PVT1: variants seen among roughly 807,000 people sequenced by gnomAD.
The protein encoded by PVT1 is Pvt1 oncogene, also known as CXCR4/PVT1 fusion.
chr8:128,028,687 G>A (rs1284480677), intron 4 of PVT1, among the ~76,000 whole-genome samples: 2 of 152,230 alleles, frequency 1.3e-5, no homozygotes, highest in African/African-American at 4.8e-5. Flanking sequence ...GATGAATACT[G>A]TAGGTTAGCA....
rs139029855 is a variant in PVT1, at chr8:127,897,870, GGAAAGAAAGAAAGAAA to G, written n.782+6889_782+6904del. On this transcript the variant is annotated intron_variant and non_coding_transcript_variant, in intron 3 of 10. Coordinates refer to ENST00000651587, the Ensembl canonical transcript of PVT1. The stretch of plus-strand genomic sequence containing the variant: ...GAAAAGAAAGACAGGAAGGAAGAAA[GGAAAGAAAGAAAGAAA>G]GAAAGAAAGAAAGAAAAAAAGACAG... Among the ~76,000 whole-genome samples, 159 of 132,196 alleles carry G rather than the reference GGAAAGAAAGAAAGAAA, an allele frequency of 1.2e-3. 1 individual carries two copies. The South Asian group carries it at 0.035, about 29-fold the overall frequency. 86.7% of individuals were successfully genotyped at this position (132,196 alleles called of 152,430 possible). A position where few individuals can be genotyped will look rare whatever the true frequency, so the allele number is the denominator to read the frequency against.
At chr8:128,079,646 C>T (rs2130149411) in intron 5 of PVT1, among the ~76,000 whole-genome samples, 1 of 152,284 alleles carries the variant, frequency 6.6e-6, no homozygotes, top group East Asian at 1.9e-4. Context: ...CACACTAACC[C>T]CTGGCAACCC....
chr8:127,810,853 A>T (rs1017900412), intron 2 of PVT1, among the ~76,000 whole-genome samples: 1 of 152,126 alleles, frequency 6.6e-6, no homozygotes, highest in African/African-American at 2.4e-5. Context: ...TCCAGGAAGC[A>T]TTCCCTCATC....
At chr8:128,011,180 A>G (rs969763218) in intron 4 of PVT1, among the ~76,000 whole-genome samples, 3 of 152,228 alleles carry the variant, frequency 2.0e-5, no homozygotes, top group Admixed American at 1.3e-4. Context: ...TTTCCTCAGC[A>G]TATACGAGTC....
intron 2 of PVT1, among the ~76,000 whole-genome samples, chr8:127,860,397 G>A (rs1031742479): frequency 2.6e-5 from 4 of 152,144 alleles, no homozygotes; most frequent in Non-Finnish European, 5.9e-5. Context: ...ACTTTTTCTC[G>A]GAGCTTCGGA....
At position 127,926,609 on chromosome 8, in the gene PVT1, G is replaced by T. The variant is rs117550778; in HGVS notation, n.782+35611G>T. On this transcript the variant is annotated intron_variant and non_coding_transcript_variant, in intron 3 of 10. Coordinates refer to ENST00000651587, the Ensembl canonical transcript of PVT1. The stretch of plus-strand genomic sequence containing the variant: ...GGATGGCCTGAGTTGGTCCCCAGCC[G>T]AGACCACCTCCTTCCCTTGCCTGGC... Among the ~76,000 whole-genome samples, 909 of 152,276 alleles carry T rather than the reference G, an allele frequency of 6.0e-3. 6 individuals are homozygous for T. Among genetic ancestry groups the T allele is most frequent in the Non-Finnish European group, 8.8e-3 (599 of 68,018 alleles).
At chr8:128,018,389 C>T (rs576371642) in intron 4 of PVT1, among the ~76,000 whole-genome samples, 16 of 152,324 alleles carry the variant, frequency 1.1e-4, no homozygotes, top group African/African-American at 3.8e-4. Context: ...CCTCTGTCAC[C>T]TCTGTTAGGC....
At chr8:127,796,251 G>GT (rs149513545) in intron 2 of PVT1, among the ~76,000 whole-genome samples, 2,397 of 151,804 alleles carry the variant, frequency 0.016, 49 homozygotes, top group East Asian at 0.1. Flanking sequence ...GTTTTGTTTT[G>GT]TTTTTTTTCT....
intron 2 of PVT1, among the ~76,000 whole-genome samples, chr8:127,836,311 AT>A (rs1814908203): frequency 1.3e-5 from 2 of 152,244 alleles, no homozygotes; most frequent in Non-Finnish European, 2.9e-5. Flanking sequence ...TTTAATTTTT[AT>A]TTTACATTCC....
intron 3 of PVT1, among the ~76,000 whole-genome samples, chr8:127,912,584 A>G (rs142175029): frequency 2.7e-3 from 410 of 152,296 alleles, no homozygotes; most frequent in African/African-American, 9.2e-3. Context: ...GATTATCCCT[A>G]TTGTGATAGA....
intron 4 of PVT1, among the ~76,000 whole-genome samples, chr8:128,042,783 A>ATTTTATTTT (rs1563673658): frequency 1.8e-4 from 27 of 151,332 alleles, no homozygotes; most frequent in East Asian, 5.8e-4. Context: ...ATTTTATTTT[A>ATTTTATTTT]AGAGAGATCT....
chr8:128,089,821 T>C (rs902927254), intron 5 of PVT1, among the ~76,000 whole-genome samples: 8 of 152,220 alleles, frequency 5.3e-5, no homozygotes, highest in African/African-American at 1.9e-4. Context: ...GGATCCTATC[T>C]ATAAGCCTAT....
chr8:127,899,902 T>C (rs748592760), intron 3 of PVT1, among the ~76,000 whole-genome samples: 6 of 152,062 alleles, frequency 3.9e-5, no homozygotes, highest in African/African-American at 9.7e-5. Context: ...AATATCTAGC[T>C]CTGAAACACA....
At chr8:128,085,067 T>G (rs1309521081) in intron 5 of PVT1, among the ~76,000 whole-genome samples, 1 of 152,154 alleles carries the variant, frequency 6.6e-6, no homozygotes, top group Non-Finnish European at 1.5e-5. Context: ...TTTCCTTGAG[T>G]CTGTGCAGGC....
chr8:127,912,028 C>A (rs185508855), intron 3 of PVT1, among the ~76,000 whole-genome samples: 1 of 152,208 alleles, frequency 6.6e-6, no homozygotes, highest in East Asian at 1.9e-4. Context: ...TTAGTGGAGA[C>A]CTGGATTTGA....
intron 5 of PVT1, among the ~76,000 whole-genome samples, chr8:128,079,404 G>T (rs910896040): frequency 6.6e-6 from 1 of 152,046 alleles, no homozygotes; most frequent in Non-Finnish European, 1.5e-5. Flanking sequence ...CCTATTATTC[G>T]CATCTTGAAT....
intron 2 of PVT1, among the ~76,000 whole-genome samples, chr8:127,861,007 C>T (rs1815222386): frequency 1.3e-5 from 2 of 152,160 alleles, no homozygotes; most frequent in African/African-American, 4.8e-5. Context: ...CCTCCCTCCT[C>T]ATTGGTGTAC....
intron 3 of PVT1, chr8:127,932,834 G>A (rs143544245): frequency 3.6e-4 from 93 of 256,392 alleles, no homozygotes; most frequent in African/African-American, 1.5e-3. Context: ...ATGTATATGC[G>A]TATCTATCTC....
At chr8:127,828,561 G>A (rs550511436) in intron 2 of PVT1, among the ~76,000 whole-genome samples, 4 of 152,022 alleles carry the variant, frequency 2.6e-5, no homozygotes, top group Non-Finnish European at 5.9e-5. Context: ...TTTCACTGAC[G>A]CTTTAGAAAA....
Sources: allele counts gnomAD v4.1 joint callset (sites outside exome capture counted in the v4.1 genomes callset), GRCh38; gene constraint gnomAD v4.1.1; transcripts MANE v1.5; gene names NCBI Gene and HGNC (gene_info 2026-07-23, HGNC 2026-07-21).